The following PRTFDC1 variants were observed in gnomAD, a reference collection of about 807,000 sequenced individuals.
The protein encoded by PRTFDC1 is phosphoribosyl transferase domain containing 1, also known as phosphoribosyltransferase domain-containing protein 1.
In PRTFDC1, 38 loss-of-function variants were observed where a neutral mutation model predicts 34.6. The observed-to-expected ratio is 1.10, with a 90% CI of 0.85 to 1.44. The LOEUF (loss-of-function observed/expected upper bound fraction) is 1.44. Ranked by LOEUF, PRTFDC1 falls within the 40% of genes most tolerant of loss-of-function variation. The pLI is 0.00. For missense variants in PRTFDC1, 270 were observed against 283.0 expected, an observed-to-expected ratio of 0.95 and a Z score of 0.33; for synonymous variants, 93 against 98.1, an observed-to-expected ratio of 0.95 and a Z score of 0.31.
intron 4 of PRTFDC1, among the ~76,000 whole-genome samples, chr10:24,864,612 AT>A (rs1460919139): frequency 1.3e-5 from 2 of 152,168 alleles, no homozygotes; most frequent in African/African-American, 4.8e-5. Context: ...TATGTGCCTT[AT>A]TTTTTAGACA....
chr10:24,931,287 A>T (rs1169414469), intron 3 of PRTFDC1, among the ~76,000 whole-genome samples: 1 of 152,136 alleles, frequency 6.6e-6, no homozygotes, highest in Non-Finnish European at 1.5e-5. Context: ...AAAATAAGAA[A>T]ATCTCAAATC....
At chr10:24,864,165 T>C (rs1376507659) in intron 4 of PRTFDC1, among the ~76,000 whole-genome samples, 2 of 152,140 alleles carry the variant, frequency 1.3e-5, no homozygotes, top group Non-Finnish European at 2.9e-5. Flanking sequence ...AGTTGCTTCT[T>C]ATGGATGAGC....
At chr10:24,851,287 T>C (rs1847483395) in intron 8 of PRTFDC1, 101 bp downstream of exon 8, 1 of 1,474,346 alleles carries the variant, frequency 6.8e-7, no homozygotes, top group Non-Finnish European at 9.0e-7. Flanking sequence ...ACATAGAAGA[T>C]ACTCAATCAA....
chr10:24,883,944 C>T (rs1055925560), intron 3 of PRTFDC1, among the ~76,000 whole-genome samples: 1 of 151,290 alleles, frequency 6.6e-6, no homozygotes, highest in Non-Finnish European at 1.5e-5. Flanking sequence ...CAGCCTCAGC[C>T]TCCTGAGTAG....
At chr10:24,939,963 G>A (rs1849127399) in intron 2 of PRTFDC1, among the ~76,000 whole-genome samples, 1 of 152,010 alleles carries the variant, frequency 6.6e-6, no homozygotes, top group South Asian at 2.1e-4. Flanking sequence ...GGAATATGCA[G>A]GGATAAAGAG....
At chr10:24,914,051 C>T (rs1052159909) in intron 3 of PRTFDC1, among the ~76,000 whole-genome samples, 2 of 152,034 alleles carry the variant, frequency 1.3e-5, no homozygotes, top group African/African-American at 4.8e-5. Flanking sequence ...CTAACACTGC[C>T]CTATGAATTT....
At chr10:24,932,733 C>A (rs1327258173) in intron 3 of PRTFDC1, among the ~76,000 whole-genome samples, 1 of 151,976 alleles carries the variant, frequency 6.6e-6, no homozygotes, top group Non-Finnish European at 1.5e-5. Context: ...AGATTCAAGG[C>A]AATCTTGATA....
Position 24,885,810 on chromosome 10 carries a change from A to G in PRTFDC1, c.340-13747T>C, listed in dbSNP as rs1395269954. On this transcript the variant is annotated intron_variant, in intron 3 of 8. Coordinates refer to ENST00000320152, the MANE Select transcript of PRTFDC1 (RefSeq NM_020200.7). ...GCATCTATGCAACGTATTACTATTCAGTGCAAATAAGAGCTATCAAGCCAT... is the reference window on the plus strand; with the variant it reads ...GCATCTATGCAACGTATTACTATTCGGTGCAAATAAGAGCTATCAAGCCAT... Among the ~76,000 whole-genome samples, 6 of 152,244 alleles carry G rather than the reference A, an allele frequency of 3.9e-5. No individual in the cohort carries two copies. In the East Asian group the frequency reaches 9.6e-4, roughly 24 times the overall value.
At chr10:24,860,463 T>C (rs1847661344) in intron 4 of PRTFDC1, among the ~76,000 whole-genome samples, 1 of 152,166 alleles carries the variant, frequency 6.6e-6, no homozygotes, top group Non-Finnish European at 1.5e-5. Flanking sequence ...TTAATAAAAA[T>C]GTTAACCACC....
intron 8 of PRTFDC1, among the ~76,000 whole-genome samples, chr10:24,850,564 C>A (rs1847467801): frequency 6.6e-6 from 1 of 152,098 alleles, no homozygotes; most frequent in African/African-American, 2.4e-5. Context: ...CCTGGGAGTT[C>A]AAGGCTGCAG....
intron 3 of PRTFDC1, among the ~76,000 whole-genome samples, chr10:24,931,378 A>G (rs767208245): frequency 3.3e-5 from 5 of 152,102 alleles, no homozygotes; most frequent in Admixed American, 1.3e-4. Flanking sequence ...AGGAAATAAC[A>G]TAAAAGCATA....
chr10:24,922,045 G>C (rs1848799495), intron 3 of PRTFDC1, among the ~76,000 whole-genome samples: 1 of 152,076 alleles, frequency 6.6e-6, no homozygotes, highest in Non-Finnish European at 1.5e-5. Flanking sequence ...ATATCCAACT[G>C]TGTTGCTTTT....
intron 3 of PRTFDC1, among the ~76,000 whole-genome samples, chr10:24,896,311 G>C (rs906735952): frequency 1.3e-5 from 2 of 152,088 alleles, no homozygotes; most frequent in African/African-American, 4.8e-5. Context: ...TGTTCCTTAC[G>C]AGAATCTAAC....
chr10:24,895,254 T>TTTTTTC lies in PRTFDC1; in HGVS notation c.340-23192_340-23191insGAAAAA, dbSNP rs1453252349. ...CCTTCTTCTGGAAATCTCCACTTTC[T>TTTTTTC]TTTTTTTTTTTTTTTTGAGATGGAG... On this transcript the variant is annotated intron_variant, in intron 3 of 8. Coordinates refer to ENST00000320152, the MANE Select transcript of PRTFDC1 (RefSeq NM_020200.7). 7.8e-4 allele frequency among the ~76,000 whole-genome samples: 21 copies of TTTTTTC among 26,994 alleles called. 2 individuals carry two copies. The highest frequency in any genetic ancestry group is 1.9e-3 in the Admixed American group (6 of 3,200). The allele number at this position is 26,994 out of a possible 152,430, so 17.7% of individuals were successfully genotyped here.
rs1847582676 is a variant in PRTFDC1, at chr10:24,856,669, A to C, written c.506+244T>G. Among the ~76,000 whole-genome samples the C allele has an allele frequency of 2.0e-5, 3 of 152,196 alleles. No homozygotes were observed. In the South Asian group the frequency reaches 6.2e-4, roughly 32 times the overall value. ...GGGGGCTCATCCAGCTGCTCCTGGA[A>C]ACAGCTAATGGAGGCACAGTAAAGA... On this transcript the variant is annotated intron_variant, in intron 6 of 8. Transcript: ENST00000320152.
At chr10:24,862,345 C>T (rs1158371705) in intron 4 of PRTFDC1, among the ~76,000 whole-genome samples, 1 of 151,928 alleles carries the variant, frequency 6.6e-6, no homozygotes, top group African/African-American at 2.4e-5. Context: ...AGAACAGTCT[C>T]TTTTGCAGTA....
intron 2 of PRTFDC1, among the ~76,000 whole-genome samples, chr10:24,938,103 G>A (rs955482429): frequency 1.3e-5 from 2 of 151,254 alleles, no homozygotes; most frequent in Non-Finnish European, 2.9e-5. Flanking sequence ...GCGGGTGCCT[G>A]TAATCCCAGC....
intron 6 of PRTFDC1, 112 bp from the exon 7 acceptor site, chr10:24,855,476 C>A: frequency 7.9e-7 from 1 of 1,259,258 alleles, no homozygotes; most frequent in South Asian, 1.3e-5. Context: ...GCTACTGTGG[C>A]ACTATATAGA....
chr10:24,937,231 G>C lies in PRTFDC1; in HGVS notation c.292C>G (p.Arg98Gly). 6.2e-7 allele frequency: 1 copy of C among 1,613,562 alleles called. No individual in the cohort carries two copies. The highest frequency in any genetic ancestry group is 8.5e-7 in the Non-Finnish European group (1 of 1,179,906). ...AAATCAACCTTCATTGAGACAAATC[G>C]ATCTGAATTTCGGCTGATGTTCTTA... ...HLKNISRNSDRFVSMKVDFIR... is the reference protein window; with the variant it reads ...HLKNISRNSDGFVSMKVDFIR... The change falls in exon 3 of 9, where the codon CGA becomes GGA. Residue 98 changes from arginine (R) to glycine (G), a missense_variant. Arg to Gly is a moderately radical substitution (Grantham distance 125). Coordinates refer to ENST00000320152, the MANE Select transcript of PRTFDC1 (RefSeq NM_020200.7).
Sources: allele counts gnomAD v4.1 joint callset (sites outside exome capture counted in the v4.1 genomes callset), GRCh38; gene constraint gnomAD v4.1.1; transcripts MANE v1.5; gene names NCBI Gene and HGNC (gene_info 2026-07-23, HGNC 2026-07-21).